The following ARIH1 variants were observed in gnomAD, a reference collection of about 807,000 sequenced individuals.
ARIH1 encodes ariadne RBR E3 ubiquitin protein ligase 1, also known as E3 ubiquitin-protein ligase ARIH1.
In ARIH1, 8 loss-of-function variants were observed where a neutral mutation model predicts 85.0. The observed-to-expected ratio is 0.09, with a 90% confidence interval of 0.06 to 0.17. The LOEUF (loss-of-function observed/expected upper bound fraction) is 0.17. ARIH1 is among the 10% of genes least tolerant of loss of function. ARIH1 has a pLI of 1.00. For missense variants in ARIH1, 311 were observed against 718.1 expected (o/e 0.43, Z 6.48); for synonymous variants, 238 against 253.6 (o/e 0.94, Z 0.59).
intron 1 of ARIH1, among the ~76,000 whole-genome samples, chr15:72,489,513 A>T (rs2063850671): frequency 6.6e-6 from 1 of 152,204 alleles, no homozygotes; most frequent in South Asian, 2.1e-4. Context: ...AATACGTTTC[A>T]CTTAATCCTA....
intron 11 of ARIH1, among the ~76,000 whole-genome samples, chr15:72,577,226 C>T (rs1178814288): frequency 1.3e-5 from 2 of 151,842 alleles, no homozygotes; most frequent in Non-Finnish European, 2.9e-5. Context: ...CTCAGGTGAT[C>T]CACCCACCTC....
At chr15:72,494,606 A>G (rs1231349519) in intron 1 of ARIH1, among the ~76,000 whole-genome samples, 1 of 152,170 alleles carries the variant, frequency 6.6e-6, no homozygotes, top group Non-Finnish European at 1.5e-5. Context: ...ATTCACTAGG[A>G]CTACGTGAAA....
At chr15:72,531,679 A>G (rs751489606) in intron 2 of ARIH1, among the ~76,000 whole-genome samples, 2 of 152,242 alleles carry the variant, frequency 1.3e-5, no homozygotes, top group African/African-American at 4.8e-5. Flanking sequence ...AAGTATAGGT[A>G]TAATAATATT....
intron 11 of ARIH1, among the ~76,000 whole-genome samples, chr15:72,578,792 T>A (rs1214669550): frequency 1.4e-5 from 2 of 148,136 alleles, no homozygotes; most frequent in Non-Finnish European, 3.0e-5. Flanking sequence ...TTATCTTAAA[T>A]TTTGCTTTTT....
chr15:72,583,388 T>A lies in ARIH1; in HGVS notation c.*96T>A, dbSNP rs2064302377. 1.1e-6 allele frequency: 1 copy of A among 902,432 alleles called. No homozygotes were observed. The highest frequency in any genetic ancestry group is 1.7e-5 in the African/African-American group (1 of 60,236). 55.9% of individuals were successfully genotyped at this position (902,432 alleles called of 1,614,324 possible). ...AACACAAACAAGGAGGCACTAAGCC[T>A]ATTCTGACACCACTGGTCTGTAGTA... On this transcript the variant is annotated 3_prime_UTR_variant, in exon 14 of 14. Coordinates refer to ENST00000379887, the MANE Select transcript of ARIH1 (RefSeq NM_005744.5).
intron 1 of ARIH1, among the ~76,000 whole-genome samples, chr15:72,506,262 A>AT (rs774237412): frequency 1.4e-5 from 2 of 146,680 alleles, no homozygotes; most frequent in Non-Finnish European, 3.0e-5. Context: ...AGGCAGGGGA[A>AT]TGGCGTGCAC....
chr15:72,502,483 A>G (rs958506498), intron 1 of ARIH1, among the ~76,000 whole-genome samples: 1 of 152,136 alleles, frequency 6.6e-6, no homozygotes, highest in African/African-American at 2.4e-5. Context: ...GAAACTTGTC[A>G]TTGTTAAATT....
chr15:72,595,808 G>GTTTTTTTTTTTTTTTTTTTTCT lies in ARIH1; in HGVS notation c.*12534_*12535insTTCTTTTTTTTTTTTTTTTTTT, dbSNP rs59597213. On this transcript the variant is annotated 3_prime_UTR_variant, in exon 14 of 14. Transcript: ENST00000379887. Reference sequence around the variant, plus strand: ...TATTGCAGTGTTTTTTGTTTTTTCTGTTTTTTTTTTTTTTTTTTCATCTTT... The same window carrying GTTTTTTTTTTTTTTTTTTTTCT: ...TATTGCAGTGTTTTTTGTTTTTTCTGTTTTTTTTTTTTTTTTTTTTCTTTTTTTTTTTTTTTTTTTCATCTTT... 36 of 122,754 alleles carry GTTTTTTTTTTTTTTTTTTTTCT rather than the reference G, an allele frequency of 2.9e-4. No individual in the cohort carries two copies. The highest frequency in any genetic ancestry group is 4.5e-4 in the Non-Finnish European group (26 of 57,598). The allele number at this position is 122,754 out of a possible 1,614,324, so 7.6% of individuals were successfully genotyped here. A position where few individuals can be genotyped will look rare whatever the true frequency, so the allele number is the denominator to read the frequency against.
intron 2 of ARIH1, among the ~76,000 whole-genome samples, chr15:72,529,784 A>G (rs1432339564): frequency 1.3e-5 from 2 of 152,222 alleles, no homozygotes; most frequent in South Asian, 2.1e-4. Context: ...ACAAAGTTTA[A>G]GGAATATATG....
intron 10 of ARIH1, 102 bp from the exon 11 acceptor site, chr15:72,572,006 G>T: frequency 1.3e-6 from 1 of 761,746 alleles, no homozygotes; most frequent in Non-Finnish European, 2.2e-6. Flanking sequence ...AGATAACGTT[G>T]GTGTTAGATA....
intron 1 of ARIH1, among the ~76,000 whole-genome samples, chr15:72,499,522 A>T (rs1004375278): frequency 6.6e-6 from 1 of 152,166 alleles, no homozygotes; most frequent in Non-Finnish European, 1.5e-5. Context: ...TTATAACCAA[A>T]TGTTATTAGT....
At chr15:72,575,252 C>T (rs771781071) in intron 11 of ARIH1, among the ~76,000 whole-genome samples, 34 of 152,166 alleles carry the variant, frequency 2.2e-4, no homozygotes, top group Admixed American at 5.2e-4. Flanking sequence ...TCGCTGATTA[C>T]ATTTCTCATT....
chr15:72,475,055 G>GGGAGC (rs1276981623), intron 1 of ARIH1, 41 bp downstream of exon 1: 2 of 1,545,558 alleles, frequency 1.3e-6, no homozygotes, highest in African/African-American at 2.7e-5. Context: ...GGCCCGACGG[G>GGGAGC]GGAGCGGATT....
In ARIH1 at chr15:72,474,519, C is replaced by A; in HGVS notation, c.-121C>A. The A allele has an allele frequency of 1.6e-6, 2 of 1,278,036 alleles. No homozygotes were observed. Among genetic ancestry groups the A allele is most frequent in the Non-Finnish European group, 1.0e-6 (1 of 976,294 alleles). 79.2% of individuals were successfully genotyped at this position (1,278,036 alleles called of 1,614,324 possible). A position where few individuals can be genotyped will look rare whatever the true frequency, so the allele number is the denominator to read the frequency against. Reference sequence around the variant, plus strand: ...GCTCCTGGGGAGGAGCCGCGGCTCGCGGGGCCGGAGCCAGGCCTGCGTCCG... The same window carrying A: ...GCTCCTGGGGAGGAGCCGCGGCTCGAGGGGCCGGAGCCAGGCCTGCGTCCG... On this transcript the variant is annotated 5_prime_UTR_variant, in exon 1 of 14. Coordinates refer to ENST00000379887, the MANE Select transcript of ARIH1 (RefSeq NM_005744.5).
At position 72,568,189 on chromosome 15, in the gene ARIH1, GTCAA is replaced by G. The variant is rs775336080; in HGVS notation, c.1026+1017_1026+1020del. 1.6e-3 allele frequency among the ~76,000 whole-genome samples: 237 copies of G among 152,042 alleles called. 1 individual carries two copies. The highest frequency in any genetic ancestry group is 6.2e-4 in the Non-Finnish European group (42 of 67,988). On this transcript the variant is annotated intron_variant, in intron 9 of 13. Coordinates refer to ENST00000379887, the MANE Select transcript of ARIH1 (RefSeq NM_005744.5). The stretch of plus-strand genomic sequence containing the variant: ...AACCATCACGATAAGCATAACTCAC[GTCAA>G]TCAAAGAAAACCTTACTATAAATAT...
chr15:72,535,020 G>A (rs959592377), intron 2 of ARIH1, among the ~76,000 whole-genome samples: 12 of 133,994 alleles, frequency 9.0e-5, no homozygotes, highest in African/African-American at 2.5e-4. Flanking sequence ...GCGCAATCTC[G>A]GCTCACTGCA....
chr15:72,575,841 A>T (rs909136791), intron 11 of ARIH1, among the ~76,000 whole-genome samples: 66 of 152,152 alleles, frequency 4.3e-4, no homozygotes, highest in Admixed American at 3.3e-3. Flanking sequence ...TACTTACCTG[A>T]CTCTTGAAAT....
intron 2 of ARIH1, among the ~76,000 whole-genome samples, chr15:72,529,735 C>T (rs987403464): frequency 1.3e-5 from 2 of 152,036 alleles, no homozygotes; most frequent in African/African-American, 4.8e-5. Flanking sequence ...ATATGGGAAC[C>T]TGGGTATTTA....
At chr15:72,507,197 A>G (rs1199097821) in intron 1 of ARIH1, among the ~76,000 whole-genome samples, 3 of 151,976 alleles carry the variant, frequency 2.0e-5, no homozygotes, top group Non-Finnish European at 2.9e-5. Flanking sequence ...TAATATTTGT[A>G]TATTTTTGGT....
Sources: allele counts gnomAD v4.1 joint callset (sites outside exome capture counted in the v4.1 genomes callset), GRCh38; gene constraint gnomAD v4.1.1; transcripts MANE v1.5; gene names NCBI Gene and HGNC (gene_info 2026-07-23, HGNC 2026-07-21).